Variants in GRID2 observed in about 807,000 individuals in gnomAD.
GRID2 encodes glutamate receptor ionotropic, delta-2.
GRID2 carries 33 observed loss-of-function variants against 114.8 expected under a neutral mutation model. The observed-to-expected ratio is 0.29, with a 90% CI of 0.22 to 0.38. The LOEUF (loss-of-function observed/expected upper bound fraction) is 0.38, where lower values mean the gene tolerates loss of function less well. Among genes scored for constraint, GRID2 ranks in the 10% least tolerant of loss-of-function variants. The probability of loss-of-function intolerance (pLI) is 1.00; values close to 1 mark genes in which losing one functional copy is unlikely to be tolerated. For missense variants in GRID2, 1,184 were observed against 1,257.7 expected (o/e 0.94, Z 0.89); for synonymous variants, 505 against 449.9 (o/e 1.12, Z -1.55).
chr4:93,185,732 A>G (rs1222337753), intron 4 of GRID2, among the ~76,000 whole-genome samples: 4 of 152,152 alleles, frequency 2.6e-5, no homozygotes, highest in African/African-American at 9.7e-5. Context: ...TGATAATGTG[A>G]TTAAAGAATA....
chr4:92,635,929 G>T (rs2149249688), intron 2 of GRID2, among the ~76,000 whole-genome samples: 1 of 152,050 alleles, frequency 6.6e-6, no homozygotes, highest in South Asian at 2.1e-4. Context: ...TAAGTGATGA[G>T]CACCTTCTGT....
chr4:92,801,256 T>G (rs1740152913), intron 2 of GRID2, among the ~76,000 whole-genome samples: 1 of 152,002 alleles, frequency 6.6e-6, no homozygotes, highest in Non-Finnish European at 1.5e-5. Context: ...TCATTTATCT[T>G]GTGGATAACT....
At chr4:93,590,017 G>A (rs1244753229) in intron 13 of GRID2, among the ~76,000 whole-genome samples, 9 of 150,616 alleles carry the variant, frequency 6.0e-5, no homozygotes, top group Non-Finnish European at 1.3e-4. Context: ...TGTTCACTCT[G>A]ATGGTAGTTT....
intron 2 of GRID2, among the ~76,000 whole-genome samples, chr4:92,763,864 A>G (rs1169153599): frequency 4.6e-5 from 7 of 152,226 alleles, no homozygotes; most frequent in African/African-American, 1.7e-4. Context: ...TGAGACTAGA[A>G]ATCATTTAGG....
intron 1 of GRID2, among the ~76,000 whole-genome samples, chr4:92,517,035 G>A (rs772956216): frequency 1.4e-5 from 2 of 144,136 alleles, no homozygotes; most frequent in Admixed American, 7.0e-5. Flanking sequence ...AACATATCTG[G>A]GATAGTTACA....
intron 8 of GRID2, among the ~76,000 whole-genome samples, chr4:93,303,931 G>A (rs1755141590): frequency 6.6e-6 from 1 of 151,372 alleles, no homozygotes; most frequent in African/African-American, 2.4e-5. Context: ...TTTTATCTGA[G>A]GATTTTAAAA....
At position 92,893,210 on chromosome 4, in the gene GRID2, T is replaced by C. The variant is rs186001713; in HGVS notation, c.245-191785T>C. Among the ~76,000 whole-genome samples the C allele has an allele frequency of 2.6e-4, 39 of 152,284 alleles. No homozygotes were observed. The East Asian group carries it at 7.1e-3, about 28-fold the overall frequency. ...CCTACCCTAGTGCTTACCCTACTTATCTTTATACCCCATAGAGTTTAAACC... is the reference window on the plus strand; with the variant it reads ...CCTACCCTAGTGCTTACCCTACTTACCTTTATACCCCATAGAGTTTAAACC... On this transcript the variant is annotated intron_variant, in intron 2 of 15. Transcript: ENST00000282020.
intron 2 of GRID2, among the ~76,000 whole-genome samples, chr4:93,074,221 A>G (rs1359444078): frequency 2.0e-5 from 3 of 152,220 alleles, no homozygotes; most frequent in South Asian, 2.1e-4. Context: ...TGCTACAGCC[A>G]TACACCAACA....
intron 2 of GRID2, among the ~76,000 whole-genome samples, chr4:92,973,651 A>G (rs974387302): frequency 6.6e-6 from 1 of 152,220 alleles, no homozygotes; most frequent in African/African-American, 2.4e-5. Context: ...AGCCATACCA[A>G]TGTGAGATGT....
chr4:92,762,880 C>A (rs140308153), intron 2 of GRID2, among the ~76,000 whole-genome samples: 73 of 152,316 alleles, frequency 4.8e-4, no homozygotes, highest in African/African-American at 1.7e-3. Flanking sequence ...TCTCTGTTTT[C>A]TCCTTTTTCT....
intron 4 of GRID2, among the ~76,000 whole-genome samples, chr4:93,167,988 A>G (rs1317248758): frequency 6.6e-5 from 10 of 151,938 alleles, no homozygotes; most frequent in Admixed American, 6.6e-4. Flanking sequence ...GAGGTCATGG[A>G]TTCAAGACCA....
At chr4:93,155,890 A>G (rs1038579721) in intron 4 of GRID2, among the ~76,000 whole-genome samples, 4 of 151,786 alleles carry the variant, frequency 2.6e-5, no homozygotes, top group African/African-American at 9.7e-5. Flanking sequence ...TAGAATGAAT[A>G]AGATCTAGTA....
At chr4:92,337,960 G>A (rs1457600422) in intron 1 of GRID2, among the ~76,000 whole-genome samples, 1 of 152,158 alleles carries the variant, frequency 6.6e-6, no homozygotes, top group African/African-American at 2.4e-5. Flanking sequence ...GTGTGCATAT[G>A]TGTGTGTCTG....
chr4:92,955,428 C>G (rs1255227712), intron 2 of GRID2, among the ~76,000 whole-genome samples: 1 of 152,048 alleles, frequency 6.6e-6, no homozygotes, highest in Non-Finnish European at 1.5e-5. Context: ...TGAGAAGTGT[C>G]TGTTCATGTC....
chr4:92,330,374 G>C, intron 1 of GRID2, among the ~76,000 whole-genome samples: 1 of 152,060 alleles, frequency 6.6e-6, no homozygotes, highest in Non-Finnish European at 1.5e-5. Flanking sequence ...GCAGTGGTTT[G>C]GATGGCTGGT....
At chr4:92,964,828 G>C (rs1753034210) in intron 2 of GRID2, among the ~76,000 whole-genome samples, 1 of 151,972 alleles carries the variant, frequency 6.6e-6, no homozygotes, top group Admixed American at 6.6e-5. Flanking sequence ...ATAGTGGCTG[G>C]TTTGATCTAT....
At chr4:92,732,609 TAC>T (rs1033174570) in intron 2 of GRID2, among the ~76,000 whole-genome samples, 2 of 152,048 alleles carry the variant, frequency 1.3e-5, no homozygotes, top group African/African-American at 4.8e-5. Context: ...CAGCCATTAT[TAC>T]AGAGTTACAT....
At chr4:92,527,746 T>C (rs1189568403) in intron 1 of GRID2, among the ~76,000 whole-genome samples, 1 of 152,090 alleles carries the variant, frequency 6.6e-6, no homozygotes, top group Non-Finnish European at 1.5e-5. Flanking sequence ...GCAATTCCTT[T>C]AACATTTCAT....
chr4:92,728,044 A>G (rs965577554), intron 2 of GRID2, among the ~76,000 whole-genome samples: 2 of 152,106 alleles, frequency 1.3e-5, no homozygotes, highest in African/African-American at 2.4e-5. Context: ...ATTAAGAGAC[A>G]GGGGAGGGAA....
Sources: allele counts gnomAD v4.1 joint callset (sites outside exome capture counted in the v4.1 genomes callset), GRCh38; gene constraint gnomAD v4.1.1; transcripts MANE v1.5; gene names NCBI Gene and HGNC (gene_info 2026-07-23, HGNC 2026-07-21).